Variants in AK8 observed in about 807,000 individuals in gnomAD.
AK8 encodes ATP-AMP transphosphorylase 8.
AK8 carries 44 observed loss-of-function variants against 54.6 expected under a neutral mutation model. The ratio of observed to expected loss-of-function variants is 0.81; its 90% confidence interval spans 0.63 to 1.04. The LOEUF is 1.04. Ranked by LOEUF, AK8 falls within the 50% of genes least tolerant of loss-of-function variation. The probability of loss-of-function intolerance (pLI) is 0.00; values close to 1 mark genes in which losing one functional copy is unlikely to be tolerated. For synonymous variants in AK8, 239 were observed against 245.6 expected, an observed-to-expected ratio of 0.97 and a Z score of 0.25; for missense variants, 555 against 613.6, an observed-to-expected ratio of 0.90 and a Z score of 1.01.
chr9:132,865,537 T>G (rs947537329), intron 3 of AK8, among the ~76,000 whole-genome samples: 1 of 152,182 alleles, frequency 6.6e-6, no homozygotes, highest in African/African-American at 2.4e-5. Flanking sequence ...AAAATGGACC[T>G]TAGGCCGGGC....
chr9:132,793,886 T>C (rs1307467345), intron 10 of AK8, among the ~76,000 whole-genome samples: 2 of 152,170 alleles, frequency 1.3e-5, no homozygotes, highest in Non-Finnish European at 2.9e-5. Context: ...TTTGGCAGTT[T>C]CTCTGGAAGC....
intron 11 of AK8, among the ~76,000 whole-genome samples, chr9:132,788,522 T>G (rs1038751139): frequency 6.6e-6 from 1 of 152,196 alleles, no homozygotes; most frequent in Admixed American, 6.5e-5. Flanking sequence ...ACAGAAACCT[T>G]TATGCACTAA....
intron 10 of AK8, 141 bp downstream of exon 10, chr9:132,814,497 C>G (rs1355128844): frequency 3.9e-6 from 3 of 770,224 alleles, no homozygotes; most frequent in Non-Finnish European, 6.1e-6. Context: ...GCAGCAGAGC[C>G]TTTGCTTACA....
Position 132,878,114 on chromosome 9 carries a change from C to T in AK8, c.84+58G>A. 6.4e-7 allele frequency: 1 copy of T among 1,551,732 alleles called. No individual in the cohort carries two copies. The highest frequency in any genetic ancestry group is 1.2e-5 in the South Asian group (1 of 84,434). On this transcript the variant is annotated intron_variant, in intron 1 of 12. Coordinates refer to ENST00000298545, the MANE Select transcript of AK8 (RefSeq NM_152572.3). The surrounding 1 kb of genome is among the most constrained non-coding windows in gnomAD (Gnocchi z 4.7). Reference sequence around the variant, plus strand: ...CGGGTCCCGGCCGCGCACCCGACGTCGCAGTGGAGGCTCCCGAGCCGCCGC... The same window carrying T: ...CGGGTCCCGGCCGCGCACCCGACGTTGCAGTGGAGGCTCCCGAGCCGCCGC...
intron 11 of AK8, among the ~76,000 whole-genome samples, chr9:132,728,073 A>G (rs1836657369): frequency 6.6e-6 from 1 of 152,088 alleles, no homozygotes; most frequent in Non-Finnish European, 1.5e-5. Flanking sequence ...TTTGGGTGCA[A>G]TTAAGACAAG....
intron 11 of AK8, among the ~76,000 whole-genome samples, chr9:132,739,872 T>C (rs1287804653): frequency 2.6e-5 from 4 of 152,246 alleles, no homozygotes; most frequent in Non-Finnish European, 5.9e-5. Context: ...GGCAGGTTGA[T>C]TGGGGGCGGG....
intron 12 of AK8, among the ~76,000 whole-genome samples, chr9:132,727,216 G>C (rs896876366): frequency 2.6e-5 from 4 of 152,140 alleles, no homozygotes; most frequent in Non-Finnish European, 5.9e-5. Context: ...AGGATAGAGT[G>C]GGTGAACATT....
In AK8 at chr9:132,863,666, T is replaced by G. The variant is rs754834149; in HGVS notation, c.332A>C (p.Lys111Thr). 1 of 1,611,234 alleles carries G rather than the reference T, an allele frequency of 6.2e-7. No individual in the cohort carries two copies. Among genetic ancestry groups the G allele is most frequent in the Admixed American group, 1.7e-5 (1 of 60,004 alleles). ...TEARRLYLQRKTVPSALLVQL... is the reference protein window; with the variant it reads ...TEARRLYLQRTTVPSALLVQL... ...CCCTGTCCCCGGGGCCAGTCCTACC[T>G]TCCTTTGCAGATAAAGCCTTCTGGC... The change falls in exon 4 of 13, where the codon AAG becomes ACG. Residue 111 changes from lysine to threonine, a missense_variant and splice_region_variant. Lys to Thr is a moderately conservative substitution (Grantham distance 78). Coordinates refer to ENST00000298545, the MANE Select transcript of AK8 (RefSeq NM_152572.3).
chr9:132,878,249 C>T lies in AK8; in HGVS notation c.7G>A (p.Ala3Thr). Residue 3 changes from alanine (A) to threonine (T), a missense_variant, in exon 1 of 13, where the codon GCC becomes ACC. Ala to Thr is a moderately conservative substitution (Grantham distance 58, BLOSUM62 0). Transcript: ENST00000298545. The surrounding 1 kb of genome is among the most constrained non-coding windows in gnomAD (Gnocchi z 4.7). MD[A>T]TIAPHRIPPE... is the part of the protein sequence containing the mutation. ...GGGATACGGTGCGGGGCGATAGTGGCGTCCATGTAGCCGTCTCGGCTCGCC... is the reference window on the plus strand; with the variant it reads ...GGGATACGGTGCGGGGCGATAGTGGTGTCCATGTAGCCGTCTCGGCTCGCC... 1 of 1,388,596 alleles carries T rather than the reference C, an allele frequency of 7.2e-7. No individual in the cohort carries two copies. Among genetic ancestry groups the T allele is most frequent in the Non-Finnish European group, 9.4e-7 (1 of 1,063,182 alleles). The allele number at this position is 1,388,596 out of a possible 1,614,324, so 86.0% of individuals were successfully genotyped here.
intron 9 of AK8, among the ~76,000 whole-genome samples, chr9:132,818,824 G>C (rs147120000): frequency 3.3e-4 from 50 of 151,816 alleles, no homozygotes; most frequent in African/African-American, 1.1e-3. Flanking sequence ...CTCCAGCCAG[G>C]GCAACAGAGC....
At position 132,759,334 on chromosome 9, in the gene AK8, T is replaced by C. The variant is rs72773438; in HGVS notation, c.1122-31800A>G. ...TATCTCATTCATTTATAGGAGCTCT[T>C]TATAAATTCTGGATACTAACTCTGT... On this transcript the variant is annotated intron_variant, in intron 11 of 12. Transcript: ENST00000298545. 9.0e-3 allele frequency among the ~76,000 whole-genome samples: 1,368 copies of C among 152,332 alleles called. 15 individuals are homozygous for C. The highest frequency in any genetic ancestry group is 0.024 in the Middle Eastern group (7 of 294).
chr9:132,830,627 T>C (rs1451671033), intron 5 of AK8, among the ~76,000 whole-genome samples: 1 of 152,250 alleles, frequency 6.6e-6, no homozygotes, highest in African/African-American at 2.4e-5. Flanking sequence ...CTTTTATTTA[T>C]TGACAACAGC....
intron 10 of AK8, among the ~76,000 whole-genome samples, chr9:132,807,233 C>T (rs1840767206): frequency 6.6e-6 from 1 of 152,156 alleles, no homozygotes; most frequent in African/African-American, 2.4e-5. Flanking sequence ...AGGAGCTCAC[C>T]GTAACTGGGC....
At chr9:132,752,957 G>A (rs1048216828) in intron 11 of AK8, among the ~76,000 whole-genome samples, 2 of 152,182 alleles carry the variant, frequency 1.3e-5, no homozygotes, top group African/African-American at 4.8e-5. Context: ...CTCCTCCCAT[G>A]GGAATGTTTT....
chr9:132,725,992 C>T, intron 12 of AK8, 67 bp from the exon 13 acceptor site: 1 of 1,463,384 alleles, frequency 6.8e-7, no homozygotes, highest in East Asian at 2.3e-5. Flanking sequence ...AAGGGACCCT[C>T]TACTCTACTG....
At chr9:132,856,043 G>A (rs745611089) in intron 4 of AK8, among the ~76,000 whole-genome samples, 19 of 152,154 alleles carry the variant, frequency 1.2e-4, no homozygotes, top group Non-Finnish European at 2.1e-4. Context: ...AGGGTACTCC[G>A]CACTCTCCCT....
At chr9:132,814,836 GA>G in intron 9 of AK8, 109 bp from the exon 10 acceptor site, 3 of 885,770 alleles carry the variant, frequency 3.4e-6, no homozygotes, top group Non-Finnish European at 5.1e-6. Flanking sequence ...AAAGGTCACT[GA>G]AAAAAGCATA....
chr9:132,802,975 T>C (rs1840536080), intron 10 of AK8, among the ~76,000 whole-genome samples: 1 of 152,212 alleles, frequency 6.6e-6, no homozygotes, highest in Admixed American at 6.5e-5. Context: ...AGAGGTTTAA[T>C]GGACTCACAG....
intron 11 of AK8, among the ~76,000 whole-genome samples, chr9:132,744,545 C>T (rs928994062): frequency 1.3e-5 from 2 of 152,050 alleles, no homozygotes; most frequent in Admixed American, 6.6e-5. Context: ...TTTTACAGAC[C>T]GAAGGGGAAA....
Sources: gnomAD v4.1 joint callset for allele counts (sites outside exome capture counted in the v4.1 genomes callset) on GRCh38, gnomAD v4.1.1 for gene constraint, Gnocchi (gnomAD v3.1) non-coding constraint, MANE v1.5 for transcripts, NCBI Gene and HGNC (gene_info 2026-07-23, HGNC 2026-07-21) for gene names.